USF3: variants seen among roughly 807,000 people sequenced by gnomAD.
The protein encoded by USF3 is basic helix-loop-helix domain-containing protein USF3.
A neutral mutation model predicts 157.5 loss-of-function variants in USF3; 29 were observed. The observed-to-expected ratio is 0.18, with a 90% CI of 0.14 to 0.25. The LOEUF is 0.25. Ranked by LOEUF, USF3 falls within the 10% of genes least tolerant of loss-of-function variation. USF3 has a pLI of 1.00. For synonymous variants in USF3, 893 were observed against 941.4 expected (o/e 0.95, Z 0.94); for missense variants, 2,381 against 2,667.6 (o/e 0.89, Z 2.37).
At position 113,653,557 on chromosome 3, in the gene USF3, C is replaced by G. The variant is rs966531393; in HGVS notation, c.*1387G>C. Reference sequence around the variant, plus strand: ...GGTGGAGCTTGCAGTGAGCTGAGATCACGCCACTGCACTCCAGCCTGGGCA... The same window carrying G: ...GGTGGAGCTTGCAGTGAGCTGAGATGACGCCACTGCACTCCAGCCTGGGCA... On this transcript the variant is annotated 3_prime_UTR_variant, in exon 7 of 7. Transcript: ENST00000316407. 2 of 147,684 alleles carry G rather than the reference C, an allele frequency of 1.4e-5. No homozygotes were observed. The highest frequency in any genetic ancestry group is 3.0e-5 in the Non-Finnish European group (2 of 67,442). The allele number at this position is 147,684 out of a possible 1,614,324, so 9.1% of individuals were successfully genotyped here.
At chr3:113,681,711 A>AT (rs1707433917) in intron 1 of USF3, among the ~76,000 whole-genome samples, 1 of 149,866 alleles carries the variant, frequency 6.7e-6, no homozygotes, top group African/African-American at 2.5e-5. Context: ...TATTATTTCA[A>AT]TTTAAAAAAA....
Position 113,696,615 on chromosome 3 carries a change from C to T in USF3, c.-380G>A, listed in dbSNP as rs1358505068. The T allele has an allele frequency of 6.6e-6, 1 of 151,862 alleles. No homozygotes were observed. Among genetic ancestry groups the T allele is most frequent in the Non-Finnish European group, 1.5e-5 (1 of 67,894 alleles). 9.4% of individuals were successfully genotyped at this position (151,862 alleles called of 1,614,324 possible). A position where few individuals can be genotyped will look rare whatever the true frequency, so the allele number is the denominator to read the frequency against. ...AGCCCGAGCCCTCAAGGCCGGAGAC[C>T]CGGCGGCAGCGCGGCCTCAACTTTC... On this transcript the variant is annotated 5_prime_UTR_variant, in exon 1 of 7. Transcript: ENST00000316407.
chr3:113,658,749 A>T lies in USF3; in HGVS notation c.2933T>A (p.Ile978Asn). ...CTCAACTCTGCAAGGTTCAGCAATG[A>T]TTTCTACCTCAGAAACACAGTCAGT... Reference protein sequence around the residue: ...TSTDCVSEVEIIAEPCRVEQD... With the variant: ...TSTDCVSEVENIAEPCRVEQD... Residue 978 changes from isoleucine (I) to asparagine (N), a missense_variant, in exon 7 of 7, where the codon ATC becomes AAC. Transcript: ENST00000316407. The T allele has an allele frequency of 6.2e-7, 1 of 1,614,112 alleles. No individual in the cohort carries two copies. Among genetic ancestry groups the T allele is most frequent in the Non-Finnish European group, 8.5e-7 (1 of 1,180,034 alleles).
At chr3:113,664,270 C>A in intron 6 of USF3, 43 bp downstream of exon 6, 1 of 1,297,576 alleles carries the variant, frequency 7.7e-7, no homozygotes, top group South Asian at 1.3e-5. Flanking sequence ...AACACCTAAA[C>A]ATTTTAAAAT....
chr3:113,690,538 A>G (rs1010032002), intron 1 of USF3, among the ~76,000 whole-genome samples: 2 of 152,096 alleles, frequency 1.3e-5, no homozygotes, highest in African/African-American at 2.4e-5. Flanking sequence ...AACACACATA[A>G]AAGCAGGTTT....
rs746636350 is a variant in USF3, at chr3:113,652,084, G to GGAGA, written c.*2856_*2859dup. 0.035 allele frequency: 4,931 copies of GGAGA among 142,916 alleles called. 109 individuals carry two copies. The highest frequency in any genetic ancestry group is 0.069 in the South Asian group (283 of 4,088). 8.9% of individuals were successfully genotyped at this position (142,916 alleles called of 1,614,324 possible). ...AGTCCTTCAGAACTTAACAGCCACT[G>GGAGA]GAGAGAGAGAGAGAGAGAGAGAGAG... On this transcript the variant is annotated 3_prime_UTR_variant, in exon 7 of 7. Transcript: ENST00000316407.
chr3:113,676,667 T>C (rs1444729357), intron 2 of USF3, among the ~76,000 whole-genome samples: 1 of 152,162 alleles, frequency 6.6e-6, no homozygotes, highest in East Asian at 1.9e-4. Flanking sequence ...GTCTACCAAG[T>C]TGGGATACCT....
chr3:113,658,285 C>G lies in USF3; in HGVS notation c.3397G>C (p.Val1133Leu). ...AAAATAGCTCTTGCTGCAAGAGCTA[C>G]TATATCAGTTTGCTCTACAAAGGTA... ...SCTFVEQTDI[V>L]ALAARAIFDQ... Residue 1133 changes from valine to leucine, a missense_variant, in exon 7 of 7, where the codon GTA becomes CTA. This residue lies in a region of USF3 where 1,435 missense variants were observed against 1,550.9 expected (regional missense o/e 0.93). Transcript: ENST00000316407. 1 of 1,614,080 alleles carries G rather than the reference C, an allele frequency of 6.2e-7. No homozygotes were observed. The highest frequency in any genetic ancestry group is 8.5e-7 in the Non-Finnish European group (1 of 1,179,950).
Position 113,659,503 on chromosome 3 carries a change from C to T in USF3, c.2179G>A (p.Val727Ile). Reference protein sequence around the residue: ...SISQMAGQSCVQLSISQPANS... With the variant: ...SISQMAGQSCIQLSISQPANS... The stretch of plus-strand genomic sequence containing the variant: ...GCAGGCTGGCTAATAGACAATTGTA[C>T]ACAGCTTTGCCCAGCCATCTGTGAT... The change falls in exon 7 of 7, where the codon GTA becomes ATA. Residue 727 changes from valine to isoleucine, a missense_variant. Transcript: ENST00000316407. 6.2e-7 allele frequency: 1 copy of T among 1,614,230 alleles called. No individual in the cohort carries two copies. The highest frequency in any genetic ancestry group is 8.5e-7 in the Non-Finnish European group (1 of 1,180,028).
chr3:113,652,930 G>T lies in USF3; in HGVS notation c.*2014C>A. On this transcript the variant is annotated 3_prime_UTR_variant, in exon 7 of 7. Transcript: ENST00000316407. Reference sequence around the variant, plus strand: ...CAAGATCCTGCCATTGTAGACTCCAGCCTGGGTGACAAAGTGACCTTGAAT... The same window carrying T: ...CAAGATCCTGCCATTGTAGACTCCATCCTGGGTGACAAAGTGACCTTGAAT... 1.5e-6 allele frequency: 1 copy of T among 684,874 alleles called. No homozygotes were observed. Among genetic ancestry groups the T allele is most frequent in the Non-Finnish European group, 2.3e-6 (1 of 436,476 alleles). The allele number at this position is 684,874 out of a possible 1,614,324, so 42.4% of individuals were successfully genotyped here. A position where few individuals can be genotyped will look rare whatever the true frequency, so the allele number is the denominator to read the frequency against.
intron 1 of USF3, among the ~76,000 whole-genome samples, chr3:113,689,815 T>C (rs566605958): frequency 4.6e-5 from 7 of 152,252 alleles, no homozygotes; most frequent in Non-Finnish European, 1.0e-4. Context: ...GATCTCTCTC[T>C]TTCTTGAAAT....
intron 2 of USF3, among the ~76,000 whole-genome samples, chr3:113,676,248 C>T (rs1041839862): frequency 6.6e-6 from 1 of 152,186 alleles, no homozygotes; most frequent in African/African-American, 2.4e-5. Flanking sequence ...TATAGCAGTG[C>T]CCCACTCCCA....
At position 113,657,935 on chromosome 3, in the gene USF3, G is replaced by C; in HGVS notation, c.3747C>G (p.Ser1249Arg). The change falls in exon 7 of 7, where the codon AGC (serine) becomes AGG (arginine). Residue 1249 changes from serine (S) to arginine (R), a missense_variant. Ser to Arg is a moderately radical substitution (Grantham distance 110, BLOSUM62 -1). Around this residue, in one of 6 missense-constraint regions of USF3, gnomAD observed 1,435 missense variants for 1,550.9 expected, o/e 0.93. Transcript: ENST00000316407. ...CACAGCTGGCCAGAGGATGGCTGAT[G>C]CTGCTCTGATGGATAAGATTATTCA... ...LSVNNLIHQS[S>R]ISHPLASCAG... 1 of 1,614,210 alleles carries C rather than the reference G, an allele frequency of 6.2e-7. No homozygotes were observed. The highest frequency in any genetic ancestry group is 8.5e-7 in the Non-Finnish European group (1 of 1,180,042).
At chr3:113,665,400 T>C (rs74398258) in intron 5 of USF3, among the ~76,000 whole-genome samples, 7 of 152,160 alleles carry the variant, frequency 4.6e-5, no homozygotes. Context: ...AAGAGAGGAA[T>C]GTCACTTGAT....
rs114333634 is a variant in USF3 at position 113,693,690 on chromosome 3, C to T, written c.-135+2680G>A. Among the ~76,000 whole-genome samples, 983 of 152,306 alleles carry T rather than the reference C, an allele frequency of 6.5e-3. 9 individuals carry two copies. Among genetic ancestry groups the T allele is most frequent in the African/African-American group, 0.022 (918 of 41,548 alleles). ...GAAACACATACACATAGAACTTAAA[C>T]TGCCACATACCGTAAGCCTAAAGAG... On this transcript the variant is annotated intron_variant, in intron 1 of 6. Coordinates refer to ENST00000316407, the MANE Select transcript of USF3 (RefSeq NM_001009899.4).
intron 5 of USF3, among the ~76,000 whole-genome samples, chr3:113,668,298 T>C (rs1947601331): frequency 6.6e-6 from 1 of 152,016 alleles, no homozygotes; most frequent in African/African-American, 2.4e-5. Context: ...AACAGCGGGG[T>C]AGAGTAAAAC....
intron 6 of USF3, 79 bp from the exon 7 acceptor site, chr3:113,661,504 A>G: frequency 2.7e-6 from 2 of 753,660 alleles, no homozygotes; most frequent in Non-Finnish European, 4.1e-6. Context: ...ACTGTATACT[A>G]AACTACTGAA....
chr3:113,689,225 T>A (rs574950616), intron 1 of USF3, among the ~76,000 whole-genome samples: 1 of 152,320 alleles, frequency 6.6e-6, no homozygotes, highest in East Asian at 1.9e-4. Context: ...AGTCTCAGCA[T>A]CCTCACATTT....
Position 113,649,590 on chromosome 3 carries a change from T to C in USF3, c.*5354A>G, listed in dbSNP as rs554425180. The C allele has an allele frequency of 1.8e-5, 7 of 390,246 alleles. No homozygotes were observed. The highest frequency in any genetic ancestry group is 2.7e-5 in the Non-Finnish European group (6 of 220,750). 24.2% of individuals were successfully genotyped at this position (390,246 alleles called of 1,614,324 possible). ...CAACAGTGAGAAACATCAGCTGTAC[T>C]TGTCGAGAAGGTGTCTGATTACACA... On this transcript the variant is annotated 3_prime_UTR_variant, in exon 7 of 7. Transcript: ENST00000316407.
Sources: allele counts gnomAD v4.1 joint callset (sites outside exome capture counted in the v4.1 genomes callset), GRCh38; gene constraint gnomAD v4.1.1; regional missense constraint gnomAD v4.1.1; transcripts MANE v1.5; gene names NCBI Gene and HGNC (gene_info 2026-07-23, HGNC 2026-07-21).